TRIM33: variants seen among roughly 807,000 people sequenced by gnomAD.
TRIM33 encodes E3 ubiquitin-protein ligase TRIM33.
TRIM33 carries 20 observed loss-of-function variants against 125.4 expected under a neutral mutation model. The observed-to-expected ratio is 0.16, with a 90% confidence interval of 0.11 to 0.23. The LOEUF is 0.23. TRIM33 is among the 10% of genes least tolerant of loss of function. The pLI is 1.00. For missense variants in TRIM33, 920 were observed against 1,411.4 expected, an observed-to-expected ratio of 0.65 and a Z score of 5.58; for synonymous variants, 564 against 513.9, an observed-to-expected ratio of 1.10 and a Z score of -1.32.
At chr1:114,461,182 G>A (rs1183172625) in intron 4 of TRIM33, among the ~76,000 whole-genome samples, 1 of 146,984 alleles carries the variant, frequency 6.8e-6, no homozygotes, top group African/African-American at 2.5e-5. Context: ...CTGCATTCCA[G>A]CCTGGGTGAC....
intron 4 of TRIM33, among the ~76,000 whole-genome samples, chr1:114,444,811 G>A (rs1193866311): frequency 2.6e-5 from 4 of 152,132 alleles, no homozygotes; most frequent in Non-Finnish European, 5.9e-5. Context: ...AAATAGGAAA[G>A]CCTAACTCAC....
chr1:114,505,309 T>A (rs1357506651), intron 1 of TRIM33, among the ~76,000 whole-genome samples: 1 of 151,480 alleles, frequency 6.6e-6, no homozygotes, highest in African/African-American at 2.4e-5. Flanking sequence ...AAGAGGAGAG[T>A]CAGAAAAAGT....
intron 1 of TRIM33, among the ~76,000 whole-genome samples, chr1:114,498,334 A>G (rs552376105): frequency 6.6e-6 from 1 of 152,120 alleles, no homozygotes; most frequent in Non-Finnish European, 1.5e-5. Context: ...AATACAACCT[A>G]AGCAAGGAAG....
rs1553204111 is a variant in TRIM33 at position 114,397,608 on chromosome 1, T to TTTG, written c.*39_*40insCAA. 2 of 711,402 alleles carry TTTG rather than the reference T, an allele frequency of 2.8e-6. No individual in the cohort carries two copies. Among genetic ancestry groups the TTTG allele is most frequent in the East Asian group, 4.0e-5 (1 of 24,948 alleles). The allele number at this position is 711,402 out of a possible 1,614,324, so 44.1% of individuals were successfully genotyped here. A position where few individuals can be genotyped will look rare whatever the true frequency, so the allele number is the denominator to read the frequency against. On this transcript the variant is annotated 3_prime_UTR_variant, in exon 20 of 20. Transcript: ENST00000358465. The stretch of plus-strand genomic sequence containing the variant: ...TTTTGTGTTTTTTTTTTTTTTTTCG[T>TTTG]TTTTTTTTTTTTAAACAATTGATTT...
At chr1:114,462,638 A>G (rs1435330844) in intron 4 of TRIM33, among the ~76,000 whole-genome samples, 1 of 152,228 alleles carries the variant, frequency 6.6e-6, no homozygotes, top group Non-Finnish European at 1.5e-5. Flanking sequence ...GTACAAGGCT[A>G]AAATACAAAG....
At chr1:114,460,170 A>G (rs1302669477) in intron 4 of TRIM33, 1 of 191,676 alleles carries the variant, frequency 5.2e-6, no homozygotes, top group Non-Finnish European at 1.1e-5. Flanking sequence ...TATCATCAAC[A>G]CTGAACAGGT....
chr1:114,491,566 C>CTAAAG (rs1652065228), intron 1 of TRIM33, among the ~76,000 whole-genome samples: 1 of 152,050 alleles, frequency 6.6e-6, no homozygotes, highest in African/African-American at 2.4e-5. Flanking sequence ...CTTTGGGAGG[C>CTAAAG]TAAAGTAGGT....
intron 1 of TRIM33, among the ~76,000 whole-genome samples, chr1:114,481,147 T>C (rs1651308754): frequency 6.6e-6 from 1 of 152,004 alleles, no homozygotes; most frequent in African/African-American, 2.4e-5. Flanking sequence ...CACTGCAGCC[T>C]GGGCAACAGA....
chr1:114,451,896 A>G (rs1649336831), intron 4 of TRIM33, among the ~76,000 whole-genome samples: 1 of 152,176 alleles, frequency 6.6e-6, no homozygotes, highest in African/African-American at 2.4e-5. Flanking sequence ...GCAAGAAAAA[A>G]CAAAACACAG....
At chr1:114,404,082 T>C (rs969778180) in intron 15 of TRIM33, among the ~76,000 whole-genome samples, 3 of 152,212 alleles carry the variant, frequency 2.0e-5, no homozygotes, top group African/African-American at 4.8e-5. Context: ...CATGGAGATA[T>C]ATAGAGAGAT....
At chr1:114,457,699 C>T (rs933591436) in intron 4 of TRIM33, among the ~76,000 whole-genome samples, 1 of 152,184 alleles carries the variant, frequency 6.6e-6, no homozygotes, top group African/African-American at 2.4e-5. Context: ...GGGTGCTACA[C>T]TATAAACTAC....
At chr1:114,433,334 TAA>T (rs1313453929) in intron 5 of TRIM33, among the ~76,000 whole-genome samples, 1 of 152,186 alleles carries the variant, frequency 6.6e-6, no homozygotes, top group African/African-American at 2.4e-5. Flanking sequence ...TTAAATTTTA[TAA>T]GTCAACTCTC....
intron 4 of TRIM33, among the ~76,000 whole-genome samples, chr1:114,445,284 A>C (rs1333022032): frequency 1.3e-5 from 2 of 152,184 alleles, no homozygotes; most frequent in Non-Finnish European, 2.9e-5. Flanking sequence ...CCCAAGCTGG[A>C]GTGAGCACAG....
At chr1:114,460,214 C>T (rs1649881372) in intron 4 of TRIM33, 4 of 209,026 alleles carry the variant, frequency 1.9e-5, no homozygotes, top group Admixed American at 4.4e-5. Context: ...CAACTGTCCA[C>T]GTAGGCATTC....
intron 1 of TRIM33, among the ~76,000 whole-genome samples, chr1:114,500,325 T>G (rs1652635328): frequency 6.6e-6 from 1 of 152,126 alleles, no homozygotes; most frequent in African/African-American, 2.4e-5. Flanking sequence ...TGTCGTTGTT[T>G]TTCTGTTCTT....
Position 114,394,845 on chromosome 1 carries a change from C to T in TRIM33, c.*2803G>A, listed in dbSNP as rs1651459174. The T allele has an allele frequency of 5.1e-6, 1 of 195,238 alleles. No individual in the cohort carries two copies. The highest frequency in any genetic ancestry group is 6.1e-5 in the Admixed American group (1 of 16,446). 12.1% of individuals were successfully genotyped at this position (195,238 alleles called of 1,614,324 possible). On this transcript the variant is annotated 3_prime_UTR_variant, in exon 20 of 20. Coordinates refer to ENST00000358465, the MANE Select transcript of TRIM33 (RefSeq NM_015906.4). ...TAGGTCAGCGGAACAGACTGAGCAA[C>T]ACTTTGTTCTTAGTTTTCTGATGGA...
intron 4 of TRIM33, among the ~76,000 whole-genome samples, chr1:114,435,401 C>T (rs34732139): frequency 2.6e-5 from 4 of 152,064 alleles, no homozygotes; most frequent in African/African-American, 9.7e-5. Flanking sequence ...AGAAACAAAT[C>T]ATTGGAAATG....
intron 1 of TRIM33, among the ~76,000 whole-genome samples, chr1:114,484,295 C>T (rs976048333): frequency 8.6e-5 from 13 of 152,014 alleles, no homozygotes; most frequent in Non-Finnish European, 1.5e-4. Flanking sequence ...ACCATGCCCA[C>T]GTTTTACTTT....
At chr1:114,447,990 G>A (rs530439598) in intron 4 of TRIM33, among the ~76,000 whole-genome samples, 3 of 152,214 alleles carry the variant, frequency 2.0e-5, no homozygotes, top group African/African-American at 7.2e-5. Flanking sequence ...ATTCTTTCAA[G>A]AAGTTTTTCA....
Sources: gnomAD v4.1 joint callset for allele counts (sites outside exome capture counted in the v4.1 genomes callset) on GRCh38, gnomAD v4.1.1 for gene constraint, MANE v1.5 for transcripts, NCBI Gene and HGNC (gene_info 2026-07-23, HGNC 2026-07-21) for gene names.